Variants in RGSL1 observed in about 807,000 individuals in gnomAD.
RGSL1 encodes regulator of G protein signaling protein-like.
Under a neutral mutation model 124.7 loss-of-function variants are expected in RGSL1, and 97 were observed. The ratio of observed to expected loss-of-function variants is 0.78; its 90% CI spans 0.66 to 0.92. RGSL1 has a LOEUF of 0.92. Ranked by LOEUF, RGSL1 falls within the 40% of genes least tolerant of loss-of-function variation. The pLI, the probability that RGSL1 is intolerant of heterozygous loss-of-function variation, is 0.00. For missense variants in RGSL1, 1,233 were observed against 1,288.4 expected, an observed-to-expected ratio of 0.96 and a Z score of 0.66; for synonymous variants, 424 against 438.1, an observed-to-expected ratio of 0.97 and a Z score of 0.40.
At chr1:182,531,477 C>T (rs1382046403) in intron 13 of RGSL1, among the ~76,000 whole-genome samples, 1 of 152,098 alleles carries the variant, frequency 6.6e-6, no homozygotes, top group African/African-American at 2.4e-5. Context: ...AAATACATGC[C>T]CCCTTAGAGA....
intron 9 of RGSL1, among the ~76,000 whole-genome samples, chr1:182,506,329 T>C (rs1656803112): frequency 6.6e-6 from 1 of 152,180 alleles, no homozygotes; most frequent in South Asian, 2.1e-4. Context: ...ATTTTTACGA[T>C]AGTTGTGGTT....
At chr1:182,460,523 A>G (rs559726864) in intron 4 of RGSL1, 59 of 391,088 alleles carry the variant, frequency 1.5e-4, no homozygotes, top group African/African-American at 1.1e-3. Flanking sequence ...CACCACCTTC[A>G]TTACTACCAA....
chr1:182,449,964 T>C (rs1651684194), upstream of RGSL1, among the ~76,000 whole-genome samples: 1 of 152,298 alleles, frequency 6.6e-6, no homozygotes, highest in East Asian at 1.9e-4. Flanking sequence ...GTCTTGTATG[T>C]CCAAGGGGAT....
At chr1:182,515,059 T>C (rs1367069157) in intron 9 of RGSL1, among the ~76,000 whole-genome samples, 1 of 152,170 alleles carries the variant, frequency 6.6e-6, no homozygotes, top group Non-Finnish European at 1.5e-5. Flanking sequence ...AGTCTTCCTT[T>C]CTCTTCCATC....
intron 13 of RGSL1, among the ~76,000 whole-genome samples, chr1:182,531,388 G>T (rs1219744105): frequency 6.6e-6 from 1 of 151,966 alleles, no homozygotes; most frequent in African/African-American, 2.4e-5. Context: ...TCCTATGGGA[G>T]AACAGAAAAA....
In RGSL1 at chr1:182,558,932, G is replaced by A. The variant is rs193047280; in HGVS notation, c.*166-1347G>A. Among the ~76,000 whole-genome samples the A allele has an allele frequency of 3.9e-5, 6 of 152,232 alleles. No homozygotes were observed. The East Asian group carries it at 1.2e-3, about 29-fold the overall frequency. ...GTTTAGAGCATGGATATCCTAGGGT[G>A]GTCACCAGAAATTCTACCGACCATG... is the stretch of plus-strand genomic sequence containing the variant. On this transcript the variant is annotated intron_variant, in intron 21 of 21. Coordinates refer to ENST00000294854, the MANE Select transcript of RGSL1 (RefSeq NM_001137669.2).
intron 9 of RGSL1, among the ~76,000 whole-genome samples, chr1:182,503,048 C>G (rs1268109327): frequency 6.6e-6 from 1 of 152,196 alleles, no homozygotes; most frequent in Admixed American, 6.5e-5. Context: ...CCCTGGCACA[C>G]TGTTGGTGGG....
At chr1:182,497,913 A>G (rs1656052764) in intron 9 of RGSL1, among the ~76,000 whole-genome samples, 1 of 152,058 alleles carries the variant, frequency 6.6e-6, no homozygotes, top group Non-Finnish European at 1.5e-5. Context: ...TTTTGTAGAA[A>G]TGGGGTCTCA....
At chr1:182,507,330 A>G (rs551138906) in intron 9 of RGSL1, 1 of 152,224 alleles carries the variant, frequency 6.6e-6, no homozygotes, top group African/African-American at 2.4e-5. Context: ...TATTTCTTCT[A>G]TCAATCAAAC....
chr1:182,471,150 C>T, intron 4 of RGSL1: 3 of 393,030 alleles, frequency 7.6e-6, no homozygotes, highest in East Asian at 7.2e-5. Flanking sequence ...TAATCTGGAC[C>T]CTGCTCATCT....
rs945791683 is a variant in RGSL1 at position 182,548,211 on chromosome 1, A to T, written c.2670-106A>T. The T allele has an allele frequency of 6.7e-6, 8 of 1,185,188 alleles. No individual in the cohort carries two copies. In the East Asian group the frequency reaches 2.0e-4, roughly 30 times the overall value. The allele number at this position is 1,185,188 out of a possible 1,614,324, so 73.4% of individuals were successfully genotyped here. ...GAATAAAGTCACAACCTGGCCTAGA[A>T]CTGGCCTTGCGTTTTTTGGGCCAGA... On this transcript the variant is annotated intron_variant, in intron 15 of 21. Transcript: ENST00000294854.
chr1:182,466,347 G>C (rs1653330077), intron 4 of RGSL1, among the ~76,000 whole-genome samples: 1 of 152,050 alleles, frequency 6.6e-6, no homozygotes, highest in Non-Finnish European at 1.5e-5. Flanking sequence ...AAAAATAAGA[G>C]ACATCTTAAT....
At chr1:182,466,789 T>A (rs1397280080) in intron 4 of RGSL1, among the ~76,000 whole-genome samples, 2 of 152,046 alleles carry the variant, frequency 1.3e-5, no homozygotes, top group African/African-American at 2.4e-5. Flanking sequence ...TCTATCAAAA[T>A]CTCAATGACA....
At position 182,532,723 on chromosome 1, in the gene RGSL1, T is replaced by G; in HGVS notation, c.2426T>G (p.Met809Arg). The G allele has an allele frequency of 1.9e-6, 3 of 1,551,104 alleles. No homozygotes were observed. Among genetic ancestry groups the G allele is most frequent in the Non-Finnish European group, 2.6e-6 (3 of 1,146,540 alleles). The part of the protein sequence containing the change: ...IRSFCKYRRF[M>R]LNPSKRQEFE... ...AGTTTTTGCAAGTACCGCAGATTTA[T>G]GTTGAATCCTAGTAAGCGCCAGGAA... Residue 809 changes from methionine to arginine, a missense_variant, in exon 14 of 22, where the codon ATG (methionine) becomes AGG (arginine). Physicochemically the swap from Met to Arg is moderately conservative, Grantham distance 91. Coordinates refer to ENST00000294854, the MANE Select transcript of RGSL1 (RefSeq NM_001137669.2).
intron 6 of RGSL1, among the ~76,000 whole-genome samples, chr1:182,478,843 C>T (rs575235914): frequency 7.2e-5 from 11 of 152,120 alleles, no homozygotes; most frequent in African/African-American, 2.2e-4. Flanking sequence ...GAATGGGAAA[C>T]GTGACTTGTA....
intron 14 of RGSL1, among the ~76,000 whole-genome samples, chr1:182,534,584 T>C (rs979306011): frequency 6.6e-6 from 1 of 152,214 alleles, no homozygotes; most frequent in Non-Finnish European, 1.5e-5. Context: ...TCTCAGTAGT[T>C]TGGTAGGCCG....
intron 14 of RGSL1, among the ~76,000 whole-genome samples, chr1:182,535,939 G>A (rs555631242): frequency 4.6e-5 from 7 of 152,034 alleles, no homozygotes; most frequent in South Asian, 2.1e-4. Flanking sequence ...CACCCTCCCC[G>A]CTCCACTACT....
intron 9 of RGSL1, among the ~76,000 whole-genome samples, chr1:182,519,839 C>T (rs914263051): frequency 6.6e-6 from 1 of 152,058 alleles, no homozygotes; most frequent in African/African-American, 2.4e-5. Flanking sequence ...TATAATCTGT[C>T]ATTCGACTCA....
intron 14 of RGSL1, among the ~76,000 whole-genome samples, chr1:182,533,981 C>G (rs921561574): frequency 6.6e-6 from 1 of 152,186 alleles, no homozygotes; most frequent in African/African-American, 2.4e-5. Context: ...AAACTGCCAT[C>G]AGGCCAGTTG....
Sources: allele counts gnomAD v4.1 joint callset (sites outside exome capture counted in the v4.1 genomes callset), GRCh38; gene constraint gnomAD v4.1.1; transcripts MANE v1.5; gene names NCBI Gene and HGNC (gene_info 2026-07-23, HGNC 2026-07-21).